Variants in UMAD1 observed in about 807,000 individuals in gnomAD.
UMAD1 encodes UBAP1-MVB12-associated (UMA)-domain containing protein 1.
Under a neutral mutation model 6.1 loss-of-function variants are expected in UMAD1, and 8 were observed. The ratio of observed to expected loss-of-function variants is 1.30; its 90% CI spans 0.76 to 2.35. UMAD1 has a LOEUF of 2.35. Ranked by LOEUF, UMAD1 falls within the 30% of genes most tolerant of loss-of-function variation. UMAD1 has a pLI of 0.00. For synonymous variants in UMAD1, 56 were observed against 31.4 expected (o/e 1.78, Z -2.61); for missense variants, 130 against 78.4 (o/e 1.66, Z -2.49).
At chr7:7,685,588 G>A (rs923153252) in intron 2 of UMAD1, among the ~76,000 whole-genome samples, 8 of 152,114 alleles carry the variant, frequency 5.3e-5, no homozygotes, top group East Asian at 1.9e-4. Flanking sequence ...GATTATAGGC[G>A]TGAGCCACCG....
At chr7:7,863,086 C>T (rs1399814205) in intron 3 of UMAD1, among the ~76,000 whole-genome samples, 1 of 151,788 alleles carries the variant, frequency 6.6e-6, no homozygotes, top group Non-Finnish European at 1.5e-5. Flanking sequence ...TAGGTGGCAT[C>T]GACATTGTTA....
chr7:7,778,157 A>C (rs1415696644), intron 2 of UMAD1, among the ~76,000 whole-genome samples: 2 of 151,782 alleles, frequency 1.3e-5, no homozygotes, highest in Non-Finnish European at 2.9e-5. Flanking sequence ...ACATATGACA[A>C]ATAGGTGGAG....
intron 2 of UMAD1, among the ~76,000 whole-genome samples, chr7:7,707,462 T>C (rs193092942): frequency 1.3e-5 from 2 of 152,332 alleles, no homozygotes; most frequent in African/African-American, 4.8e-5. Context: ...ATGTTGAACG[T>C]ATGTTCCATT....
chr7:7,705,692 A>G (rs1488050753), intron 2 of UMAD1, among the ~76,000 whole-genome samples: 2 of 152,098 alleles, frequency 1.3e-5, no homozygotes, highest in Non-Finnish European at 2.9e-5. Flanking sequence ...TAGTGAAACT[A>G]CTCTTATGTT....
At chr7:7,682,716 C>G (rs921679232) in intron 2 of UMAD1, among the ~76,000 whole-genome samples, 1 of 152,176 alleles carries the variant, frequency 6.6e-6, no homozygotes, top group Non-Finnish European at 1.5e-5. Context: ...GTAACTTACC[C>G]TATCGCTGTC....
At chr7:7,809,198 A>T (rs1276549179) in intron 3 of UMAD1, among the ~76,000 whole-genome samples, 2 of 151,940 alleles carry the variant, frequency 1.3e-5, no homozygotes, top group African/African-American at 4.8e-5. Flanking sequence ...TAAAGGAAGG[A>T]TTTAAGGGAC....
intron 2 of UMAD1, among the ~76,000 whole-genome samples, chr7:7,792,265 G>C (rs1399252114): frequency 2.0e-5 from 3 of 152,186 alleles, no homozygotes; most frequent in African/African-American, 7.2e-5. Context: ...TGGCTTAGCT[G>C]TTCCTGTTCT....
chr7:7,765,609 T>G (rs1781969637), intron 2 of UMAD1, among the ~76,000 whole-genome samples: 1 of 152,208 alleles, frequency 6.6e-6, no homozygotes, highest in South Asian at 2.1e-4. Flanking sequence ...TGTCAGGGAT[T>G]GAGGTAGGCC....
intron 2 of UMAD1, among the ~76,000 whole-genome samples, chr7:7,687,617 T>C (rs1189313359): frequency 1.3e-5 from 2 of 152,198 alleles, no homozygotes; most frequent in African/African-American, 2.4e-5. Flanking sequence ...AAGTGTGCAT[T>C]AACTAGCAGA....
intron 3 of UMAD1, among the ~76,000 whole-genome samples, chr7:7,814,880 G>T (rs999354869): frequency 6.6e-6 from 1 of 152,050 alleles, no homozygotes; most frequent in African/African-American, 2.4e-5. Context: ...TTATTGATTT[G>T]AAGATGCAGG....
chr7:7,660,418 A>G (rs141206455), intron 1 of UMAD1, among the ~76,000 whole-genome samples: 136 of 152,254 alleles, frequency 8.9e-4, no homozygotes, highest in African/African-American at 3.2e-3. Flanking sequence ...ACAATTTGGT[A>G]TGTTTTTGCA....
intron 3 of UMAD1, among the ~76,000 whole-genome samples, chr7:7,825,103 G>A (rs1360801153): frequency 1.3e-5 from 2 of 152,090 alleles, no homozygotes; most frequent in African/African-American, 4.8e-5. Context: ...CTCTAAGGCT[G>A]CCTGTCAATA....
chr7:7,859,837 T>G (rs1404966836), intron 3 of UMAD1, among the ~76,000 whole-genome samples: 1 of 152,248 alleles, frequency 6.6e-6, no homozygotes, highest in Non-Finnish European at 1.5e-5. Flanking sequence ...ACTTTTCTGT[T>G]GTTGATCTGA....
chr7:7,857,214 C>G (rs554205018), intron 3 of UMAD1, among the ~76,000 whole-genome samples: 5 of 152,324 alleles, frequency 3.3e-5, no homozygotes, highest in African/African-American at 9.6e-5. Context: ...TGATGATGTA[C>G]TTCCCCTTTT....
At chr7:7,667,410 T>G (rs1375206065) in intron 1 of UMAD1, among the ~76,000 whole-genome samples, 1 of 152,178 alleles carries the variant, frequency 6.6e-6, no homozygotes, top group African/African-American at 2.4e-5. Context: ...GCTTAGAGCT[T>G]ACCGCATACT....
chr7:7,803,077 A>G (rs114532718), intron 3 of UMAD1, among the ~76,000 whole-genome samples: 1,746 of 152,314 alleles, frequency 0.011, 35 homozygotes, highest in African/African-American at 0.039. Flanking sequence ...CGTACTCAAG[A>G]TACTGTGCAT....
chr7:7,762,584 G>A (rs947488504), intron 2 of UMAD1, among the ~76,000 whole-genome samples: 10 of 152,172 alleles, frequency 6.6e-5, no homozygotes, highest in Non-Finnish European at 8.8e-5. Context: ...CAAAGGTTTC[G>A]TTTGCTTCTG....
chr7:7,697,571 C>T (rs1780351573), intron 2 of UMAD1, among the ~76,000 whole-genome samples: 1 of 152,022 alleles, frequency 6.6e-6, no homozygotes, highest in African/African-American at 2.4e-5. Flanking sequence ...GGAAGAAGCA[C>T]GAATATGTAC....
intron 2 of UMAD1, among the ~76,000 whole-genome samples, chr7:7,722,159 ATATATATATATG>A (rs1563155223): frequency 0.024 from 2,958 of 125,064 alleles, 87 homozygotes; most frequent in African/African-American, 0.082. Context: ...CTCTCTCTCT[ATATATATATATG>A]TATATATATG....
Sources: allele counts gnomAD v4.1 joint callset (sites outside exome capture counted in the v4.1 genomes callset), GRCh38; gene constraint gnomAD v4.1.1; transcripts MANE v1.5; gene names NCBI Gene and HGNC (gene_info 2026-07-23, HGNC 2026-07-21).